The following CNTNAP2 variants were observed in gnomAD, a reference collection of about 807,000 sequenced individuals.
The protein encoded by CNTNAP2 is contactin associated protein 2, also known as contactin-associated protein-like 2.
Under a neutral mutation model 155.2 loss-of-function variants are expected in CNTNAP2, and 98 were observed. The observed-to-expected ratio is 0.63, with a 90% CI of 0.54 to 0.75. The LOEUF (loss-of-function observed/expected upper bound fraction) is 0.75. Among genes scored for constraint, CNTNAP2 ranks in the 30% least tolerant of loss-of-function variants. The pLI is 0.00. For synonymous variants in CNTNAP2, 651 were observed against 631.2 expected, an observed-to-expected ratio of 1.03 and a Z score of -0.47; for missense variants, 1,727 against 1,688.1, an observed-to-expected ratio of 1.02 and a Z score of -0.40.
intron 1 of CNTNAP2, among the ~76,000 whole-genome samples, chr7:146,368,182 C>T (rs979443192): frequency 3.3e-5 from 5 of 152,076 alleles, no homozygotes; most frequent in African/African-American, 1.2e-4. Context: ...ATGACATATC[C>T]CTCTTCAGCT....
intron 13 of CNTNAP2, among the ~76,000 whole-genome samples, chr7:147,748,166 A>G (rs1240103743): frequency 2.0e-5 from 3 of 152,246 alleles, no homozygotes; most frequent in African/African-American, 7.2e-5. Context: ...CTTGACAACA[A>G]GCTAAGAAAA....
chr7:147,597,461 T>A (rs955163220), intron 12 of CNTNAP2, among the ~76,000 whole-genome samples: 2 of 152,216 alleles, frequency 1.3e-5, no homozygotes, highest in South Asian at 2.1e-4. Context: ...ATTTATTTCC[T>A]GAAAATTACC....
chr7:147,095,762 A>G (rs931046680), intron 4 of CNTNAP2, among the ~76,000 whole-genome samples: 5 of 152,128 alleles, frequency 3.3e-5, no homozygotes, highest in African/African-American at 1.2e-4. Flanking sequence ...ACATCTTCCT[A>G]AAACTGGATC....
chr7:146,769,534 T>G (rs1458880304), intron 1 of CNTNAP2, among the ~76,000 whole-genome samples: 3 of 152,194 alleles, frequency 2.0e-5, no homozygotes, highest in African/African-American at 7.2e-5. Flanking sequence ...CTGGGAAATT[T>G]CAAATTCATT....
chr7:147,519,728 A>G (rs1279266208), intron 11 of CNTNAP2, among the ~76,000 whole-genome samples: 2 of 152,114 alleles, frequency 1.3e-5, no homozygotes, highest in African/African-American at 2.4e-5. Flanking sequence ...TTAGCTGGAC[A>G]TGGTGGTGTG....
chr7:146,941,499 C>A lies in CNTNAP2; in HGVS notation c.402+101595C>A, dbSNP rs538423477. ...TTTAATAGTTTTGTCTTTTAACCTTCATACTAATGATATACATGATTTACA... is the reference window on the plus strand; with the variant it reads ...TTTAATAGTTTTGTCTTTTAACCTTAATACTAATGATATACATGATTTACA... On this transcript the variant is annotated intron_variant, in intron 3 of 23. Coordinates refer to ENST00000361727, the MANE Select transcript of CNTNAP2 (RefSeq NM_014141.6). Among the ~76,000 whole-genome samples the A allele has an allele frequency of 3.9e-3, 591 of 152,234 alleles. 7 individuals are homozygous for A. The highest frequency in any genetic ancestry group is 0.013 in the African/African-American group (542 of 41,560).
intron 13 of CNTNAP2, among the ~76,000 whole-genome samples, chr7:147,819,846 T>C (rs1798335500): frequency 6.6e-6 from 1 of 152,220 alleles, no homozygotes; most frequent in East Asian, 1.9e-4. Flanking sequence ...TTTTAGAGTT[T>C]ACTCCATGTT....
At position 146,555,574 on chromosome 7, in the gene CNTNAP2, C is replaced by G. The variant is rs542211168; in HGVS notation, c.98-218697C>G. ...CTATCACTTTTCAACACCTAATTCA[C>G]AAAAAAGAAGCCATGAGGGAGATTG... On this transcript the variant is annotated intron_variant, in intron 1 of 23. Transcript: ENST00000361727. Among the ~76,000 whole-genome samples the G allele has an allele frequency of 2.3e-4, 35 of 151,826 alleles. 1 individual carries two copies. Among genetic ancestry groups the G allele is most frequent in the Non-Finnish European group, 3.8e-4 (26 of 67,976 alleles).
chr7:147,954,813 G>A (rs1800992241), intron 14 of CNTNAP2, among the ~76,000 whole-genome samples: 1 of 152,170 alleles, frequency 6.6e-6, no homozygotes, highest in African/African-American at 2.4e-5. Context: ...GTTAGAGTGA[G>A]TTAACAAAAG....
At chr7:147,775,338 AATATATATATTTATATATATTTATAAAT>A (rs1563084610) in intron 13 of CNTNAP2, among the ~76,000 whole-genome samples, 536 of 32,680 alleles carry the variant, frequency 0.016, 9 homozygotes, top group African/African-American at 0.079. Flanking sequence ...TATATTTATA[AATATATATATTTATATATATTTATAAAT>A]ATATATATAT....
At chr7:146,777,069 A>G (rs1389195358) in intron 2 of CNTNAP2, among the ~76,000 whole-genome samples, 1 of 152,210 alleles carries the variant, frequency 6.6e-6, no homozygotes, top group African/African-American at 2.4e-5. Flanking sequence ...AAAAAACTAT[A>G]AAACAAAAGT....
intron 8 of CNTNAP2, among the ~76,000 whole-genome samples, chr7:147,296,544 T>C (rs1036336711): frequency 2.6e-5 from 4 of 152,228 alleles, no homozygotes; most frequent in Non-Finnish European, 5.9e-5. Flanking sequence ...AATTTTTGTA[T>C]GGACAGGAAA....
chr7:146,622,862 C>G (rs977975641), intron 1 of CNTNAP2, among the ~76,000 whole-genome samples: 4 of 150,858 alleles, frequency 2.7e-5, no homozygotes, highest in African/African-American at 9.7e-5. Flanking sequence ...GAGGCTGAGA[C>G]AGGAGAATTG....
intron 14 of CNTNAP2, among the ~76,000 whole-genome samples, chr7:147,966,468 A>T (rs1248123496): frequency 1.3e-5 from 2 of 152,116 alleles, no homozygotes; most frequent in Non-Finnish European, 2.9e-5. Flanking sequence ...GATTTATAAA[A>T]ATTGTCCAGG....
rs35946958 is a variant in CNTNAP2, at chr7:147,983,017, C to CAA, written c.2383+5046_2383+5047dup. On this transcript the variant is annotated intron_variant, in intron 15 of 23. Transcript: ENST00000361727. ...TGGGTGACAGTGTGAGACTCCACCT[C>CAA]AAAAAAAAAAAAAAAAAAAGCAAAA... Among the ~76,000 whole-genome samples, 659 of 80,642 alleles carry CAA rather than the reference C, an allele frequency of 8.2e-3. 12 individuals carry two copies. The highest frequency in any genetic ancestry group is 0.021 in the African/African-American group (419 of 19,748). The allele number at this position is 80,642 out of a possible 152,430, so 52.9% of individuals were successfully genotyped here. A position where few individuals can be genotyped will look rare whatever the true frequency, so the allele number is the denominator to read the frequency against.
At chr7:147,747,084 C>T (rs2116496712) in intron 13 of CNTNAP2, among the ~76,000 whole-genome samples, 1 of 152,348 alleles carries the variant, frequency 6.6e-6, no homozygotes, top group East Asian at 1.9e-4. Context: ...CCAACTGAAA[C>T]TCAATAATAC....
chr7:146,513,530 C>T (rs1313302267), intron 1 of CNTNAP2, among the ~76,000 whole-genome samples: 2 of 150,206 alleles, frequency 1.3e-5, no homozygotes, highest in African/African-American at 5.0e-5. Context: ...CAACAATTAA[C>T]TTTGATAACA....
intron 1 of CNTNAP2, among the ~76,000 whole-genome samples, chr7:146,201,441 A>G (rs1562987975): frequency 6.6e-6 from 1 of 152,176 alleles, no homozygotes; most frequent in Non-Finnish European, 1.5e-5. Flanking sequence ...CTAATTGCCA[A>G]TCCCTCTGCT....
At chr7:147,605,714 G>T (rs117157626) in intron 12 of CNTNAP2, among the ~76,000 whole-genome samples, 7 of 152,170 alleles carry the variant, frequency 4.6e-5, no homozygotes, top group South Asian at 2.1e-4. Context: ...TCAGAAAAAG[G>T]TTCTCCCTGC....
Sources: gnomAD v4.1 joint callset for allele counts (sites outside exome capture counted in the v4.1 genomes callset) on GRCh38, gnomAD v4.1.1 for gene constraint, MANE v1.5 for transcripts, NCBI Gene and HGNC (gene_info 2026-07-23, HGNC 2026-07-21) for gene names.